Variants in AUTS2 observed in about 807,000 individuals in gnomAD.
AUTS2 encodes activator of transcription and developmental regulator AUTS2.
In AUTS2, 17 loss-of-function variants were observed where a neutral mutation model predicts 112.4. The observed-to-expected ratio is 0.15, with a 90% CI of 0.10 to 0.23. AUTS2 has a LOEUF of 0.23. AUTS2 is among the 10% of genes least tolerant of loss of function. The pLI is 1.00. For synonymous variants in AUTS2, 751 were observed against 702.7 expected, an observed-to-expected ratio of 1.07 and a Z score of -1.09; for missense variants, 1,510 against 1,701.6, an observed-to-expected ratio of 0.89 and a Z score of 1.98.
At chr7:69,921,170 CTA>C (rs1428221573) in intron 2 of AUTS2, among the ~76,000 whole-genome samples, 2 of 152,032 alleles carry the variant, frequency 1.3e-5, no homozygotes, top group Non-Finnish European at 2.9e-5. Flanking sequence ...AAATAAATGC[CTA>C]TGTGTTTTTC....
At chr7:69,635,174 A>G (rs1170534551) in intron 1 of AUTS2, among the ~76,000 whole-genome samples, 1 of 152,098 alleles carries the variant, frequency 6.6e-6, no homozygotes, top group Admixed American at 6.5e-5. Flanking sequence ...GCACCTTGGC[A>G]TTTTCCTTAT....
At chr7:69,696,189 C>G (rs1019464032) in intron 1 of AUTS2, among the ~76,000 whole-genome samples, 4 of 152,294 alleles carry the variant, frequency 2.6e-5, no homozygotes, top group Middle Eastern at 3.4e-3. Context: ...CGGTTAGCCT[C>G]GGTGCACCTC....
At chr7:70,502,743 A>G (rs977853878) in intron 5 of AUTS2, among the ~76,000 whole-genome samples, 3 of 152,188 alleles carry the variant, frequency 2.0e-5, no homozygotes, top group Admixed American at 6.5e-5. Context: ...CTGGTTGTAA[A>G]CATTAGAAAG....
intron 1 of AUTS2, among the ~76,000 whole-genome samples, chr7:69,714,689 G>A (rs950855672): frequency 1.3e-5 from 2 of 152,034 alleles, no homozygotes; most frequent in South Asian, 4.2e-4. Context: ...TCTTCTACTG[G>A]TTCCTTTACC....
At chr7:70,342,350 C>T (rs925157579) in intron 4 of AUTS2, among the ~76,000 whole-genome samples, 7 of 149,784 alleles carry the variant, frequency 4.7e-5, no homozygotes, top group South Asian at 4.2e-4. Flanking sequence ...GGGGGGAAGT[C>T]GCTTGCCAGA....
At chr7:70,342,089 C>T (rs1322343382) in intron 4 of AUTS2, among the ~76,000 whole-genome samples, 1 of 152,100 alleles carries the variant, frequency 6.6e-6, no homozygotes, top group Non-Finnish European at 1.5e-5. Flanking sequence ...GCCCAGATTC[C>T]CCCATCAGTT....
chr7:70,487,101 G>A lies in AUTS2; in HGVS notation c.690+51320G>A, dbSNP rs922887030. Among the ~76,000 whole-genome samples, 8 of 152,170 alleles carry A rather than the reference G, an allele frequency of 5.3e-5. No individual in the cohort carries two copies. The East Asian group carries it at 9.7e-4, about 18-fold the overall frequency. ...GCAAGGGAGTTGGTATGATAGGAGC[G>A]TTACTGGGAGAGGACGGTAGCCGCT... On this transcript the variant is annotated intron_variant, in intron 5 of 18. Transcript: ENST00000342771.
chr7:70,539,553 A>T (rs1413305426), intron 5 of AUTS2, among the ~76,000 whole-genome samples: 1 of 152,140 alleles, frequency 6.6e-6, no homozygotes, highest in African/African-American at 2.4e-5. Context: ...GGAGTTTTTC[A>T]TTTGAAATGG....
chr7:70,358,043 G>C (rs907773134), intron 4 of AUTS2, among the ~76,000 whole-genome samples: 1 of 152,184 alleles, frequency 6.6e-6, no homozygotes, highest in Non-Finnish European at 1.5e-5. Flanking sequence ...TCCGGATGAC[G>C]TGGGGCTATG....
intron 1 of AUTS2, among the ~76,000 whole-genome samples, chr7:69,703,592 A>C (rs543550442): frequency 1.3e-5 from 2 of 152,352 alleles, no homozygotes; most frequent in East Asian, 3.9e-4. Flanking sequence ...TGAAAATAGC[A>C]GCAGGTTGAA....
At chr7:70,662,334 G>A (rs1807119966) in intron 5 of AUTS2, among the ~76,000 whole-genome samples, 1 of 152,230 alleles carries the variant, frequency 6.6e-6, no homozygotes, top group Non-Finnish European at 1.5e-5. Context: ...CCTTTCCAGA[G>A]CCAAGCTATG....
intron 5 of AUTS2, among the ~76,000 whole-genome samples, chr7:70,583,436 C>G (rs1195648740): frequency 6.6e-6 from 1 of 152,196 alleles, no homozygotes; most frequent in Non-Finnish European, 1.5e-5. Context: ...AGTGAATTCC[C>G]TGATCTCCCT....
chr7:69,689,615 C>G (rs1339088110), intron 1 of AUTS2, among the ~76,000 whole-genome samples: 1 of 143,936 alleles, frequency 6.9e-6, no homozygotes, highest in Non-Finnish European at 1.5e-5. Flanking sequence ...GCTGGGATTA[C>G]AGGCGTGAGC....
chr7:70,583,762 T>C (rs1460758194), intron 5 of AUTS2, among the ~76,000 whole-genome samples: 2 of 152,226 alleles, frequency 1.3e-5, no homozygotes, highest in African/African-American at 4.8e-5. Context: ...TGGGCGAGCC[T>C]TTCTTTGTGG....
At chr7:69,633,956 T>C (rs966962504) in intron 1 of AUTS2, among the ~76,000 whole-genome samples, 2 of 152,096 alleles carry the variant, frequency 1.3e-5, no homozygotes, top group South Asian at 2.1e-4. Context: ...TGCAGCCCCA[T>C]ATGTTTAGTT....
chr7:69,845,776 C>T (rs1336574506), intron 1 of AUTS2, among the ~76,000 whole-genome samples: 1 of 152,098 alleles, frequency 6.6e-6, no homozygotes, highest in Admixed American at 6.6e-5. Context: ...TCAGGACATC[C>T]CAGATTCTTT....
At chr7:70,135,283 CT>C (rs772999705) in intron 4 of AUTS2, among the ~76,000 whole-genome samples, 2 of 151,702 alleles carry the variant, frequency 1.3e-5, no homozygotes, top group Non-Finnish European at 2.9e-5. Context: ...TTTAGTGACC[CT>C]TTTCAAGATA....
chr7:69,683,860 G>T (rs191904660), intron 1 of AUTS2, among the ~76,000 whole-genome samples: 1 of 151,206 alleles, frequency 6.6e-6, no homozygotes. Flanking sequence ...GCAGTGAGCC[G>T]AGATTGTGCC....
intron 5 of AUTS2, among the ~76,000 whole-genome samples, chr7:70,601,744 A>G (rs1803482794): frequency 6.6e-6 from 1 of 151,986 alleles, no homozygotes; most frequent in Non-Finnish European, 1.5e-5. Flanking sequence ...TGGGTTACAC[A>G]CACCTGTAAG....
Sources: gnomAD v4.1 joint callset for allele counts (sites outside exome capture counted in the v4.1 genomes callset) on GRCh38, gnomAD v4.1.1 for gene constraint, MANE v1.5 for transcripts, NCBI Gene and HGNC (gene_info 2026-07-23, HGNC 2026-07-21) for gene names.